The following SPRY3 variants were observed in gnomAD, a reference collection of about 807,000 sequenced individuals.
SPRY3 encodes the protein protein sprouty homolog 3.
A neutral mutation model predicts 20.2 loss-of-function variants in SPRY3; 15 were observed. That is an observed-to-expected ratio of 0.74 (90% CI 0.50 to 1.14). The LOEUF is 1.14. Ranked by LOEUF, SPRY3 falls within the 50% of genes most tolerant of loss-of-function variation. The pLI, the probability that SPRY3 is intolerant of heterozygous loss-of-function variation, is 0.00. For synonymous variants in SPRY3, 143 were observed against 136.5 expected, an observed-to-expected ratio of 1.05 and a Z score of -0.33; for missense variants, 364 against 363.9, an observed-to-expected ratio of 1.00 and a Z score of 0.00.
chrX:155,658,910 T>C (rs1249426501), intron 2 of SPRY3, among the ~76,000 whole-genome samples: 2 of 111,782 alleles, frequency 1.8e-5, no homozygotes, highest in African/African-American at 6.5e-5. Context: ...CTAAATTTTA[T>C]CAAATGCTTT....
intron 2 of SPRY3, among the ~76,000 whole-genome samples, chrX:155,716,661 G>A (rs778833966): frequency 1.3e-3 from 196 of 151,238 alleles, no homozygotes; most frequent in African/African-American, 4.6e-3. Flanking sequence ...TGTCTTCCCC[G>A]TGCTGTGTAC....
chrX:155,764,949 C>A (rs1256781859), intron 2 of SPRY3, among the ~76,000 whole-genome samples: 1 of 152,154 alleles, frequency 6.6e-6, no homozygotes, highest in Admixed American at 6.5e-5. Flanking sequence ...TAAGGTGTTA[C>A]CAGTGTCTGG....
intron 1 of SPRY3, among the ~76,000 whole-genome samples, chrX:155,647,482 G>A (rs2067961648): frequency 9.2e-6 from 1 of 109,105 alleles, no homozygotes; most frequent in Admixed American, 9.8e-5. Flanking sequence ...ACAGGCCCCA[G>A]TGTGTGATGT....
intron 1 of SPRY3, among the ~76,000 whole-genome samples, chrX:155,638,032 G>T (rs2067929148): frequency 9.5e-6 from 1 of 105,495 alleles, no homozygotes; most frequent in African/African-American, 3.5e-5. Context: ...AACCCCATTG[G>T]GTTTTAATTT....
chrX:155,765,959 C>G (rs765993681), intron 2 of SPRY3, among the ~76,000 whole-genome samples: 1 of 152,140 alleles, frequency 6.6e-6, no homozygotes, highest in African/African-American at 2.4e-5. Context: ...TCTATTTGAC[C>G]TGAATCTAGT....
chrX:155,632,867 G>T (rs1431036615), intron 1 of SPRY3, among the ~76,000 whole-genome samples: 2 of 111,601 alleles, frequency 1.8e-5, no homozygotes, highest in African/African-American at 6.5e-5. Flanking sequence ...CAGTGCCCTT[G>T]TAAAGTTCTG....
chrX:155,724,914 C>T (rs1194079037), intron 2 of SPRY3, among the ~76,000 whole-genome samples: 2 of 152,134 alleles, frequency 1.3e-5, no homozygotes, highest in Non-Finnish European at 2.9e-5. Flanking sequence ...AAAGGCAATG[C>T]TTCCAGTTTT....
chrX:155,651,498 G>A (rs1220399558), intron 1 of SPRY3, among the ~76,000 whole-genome samples: 1 of 111,581 alleles, frequency 9.0e-6, no homozygotes, highest in Non-Finnish European at 1.9e-5. Flanking sequence ...TCCTTTCAAT[G>A]AAATGTCTAT....
intron 1 of SPRY3, among the ~76,000 whole-genome samples, chrX:155,651,060 C>T (rs1557352343): frequency 9.1e-6 from 1 of 110,165 alleles, no homozygotes; most frequent in African/African-American, 3.3e-5. Flanking sequence ...TGCATCCTAA[C>T]CACCATTGAT....
At chrX:155,753,023 C>T (rs2091270102) in intron 2 of SPRY3, among the ~76,000 whole-genome samples, 1 of 151,844 alleles carries the variant, frequency 6.6e-6, no homozygotes, top group South Asian at 2.1e-4. Flanking sequence ...AGAGAAGAGT[C>T]AAATATAACA....
intron 1 of SPRY3, among the ~76,000 whole-genome samples, chrX:155,618,531 T>C (rs2067861303): frequency 9.0e-6 from 1 of 111,623 alleles, no homozygotes; most frequent in African/African-American, 3.3e-5. Flanking sequence ...TTTTAATTTT[T>C]CTGGCCTAAA....
intron 2 of SPRY3, among the ~76,000 whole-genome samples, chrX:155,718,403 C>G (rs762116894): frequency 6.6e-6 from 1 of 152,128 alleles, no homozygotes; most frequent in South Asian, 2.1e-4. Context: ...TAAAATAAAA[C>G]TTTAAAAATT....
intron 2 of SPRY3, among the ~76,000 whole-genome samples, chrX:155,726,091 A>G (rs917169033): frequency 9.9e-5 from 15 of 152,156 alleles, no homozygotes; most frequent in Non-Finnish European, 2.1e-4. Flanking sequence ...GTAGTCATTC[A>G]GGAGCTGGTT....
intron 2 of SPRY3, among the ~76,000 whole-genome samples, chrX:155,686,513 CAA>C (rs2068088462): frequency 9.0e-6 from 1 of 111,698 alleles, no homozygotes; most frequent in Non-Finnish European, 1.9e-5. Flanking sequence ...GCTCAGTTTT[CAA>C]AGTCTTTAGT....
At position 155,717,154 on chromosome X, in the gene SPRY3, C is replaced by CA. The variant is rs1178558140; in HGVS notation, c.-281-50794dup. 6.6e-3 allele frequency among the ~76,000 whole-genome samples: 804 copies of CA among 122,422 alleles called. 2 individuals are homozygous for CA. Among genetic ancestry groups the CA allele is most frequent in the Non-Finnish European group, 9.1e-3 (517 of 57,026 alleles). The allele number at this position is 122,422 out of a possible 152,430, so 80.3% of individuals were successfully genotyped here. A position where few individuals can be genotyped will look rare whatever the true frequency, so the allele number is the denominator to read the frequency against. The stretch of plus-strand genomic sequence containing the variant: ...AGCCTGGGTGACAGAGTGAGACTGT[C>CA]AAAAAAAAAAAAAAGATATCATCAA... On this transcript the variant is annotated intron_variant, in intron 2 of 3. Transcript: ENST00000675360.
rs187999561 is a variant in SPRY3 at position 155,766,232 on chromosome X, C to T, written c.-281-1730C>T. On this transcript the variant is annotated intron_variant, in intron 2 of 3. Transcript: ENST00000675360. ...ACACATACATACACACAGGAGCATGCAGACCCACACAGCCGTACTTTTTTA... is the reference window on the plus strand; with the variant it reads ...ACACATACATACACACAGGAGCATGTAGACCCACACAGCCGTACTTTTTTA... Among the ~76,000 whole-genome samples the T allele has an allele frequency of 3.9e-5, 6 of 152,274 alleles. No homozygotes were observed. In the East Asian group the frequency reaches 9.7e-4, roughly 25 times the overall value.
intron 1 of SPRY3, among the ~76,000 whole-genome samples, chrX:155,642,362 G>T (rs992053112): frequency 9.0e-6 from 1 of 110,724 alleles, no homozygotes; most frequent in Admixed American, 9.5e-5. Flanking sequence ...TATTTATTTG[G>T]GTCTTCTCTT....
intron 1 of SPRY3, among the ~76,000 whole-genome samples, chrX:155,622,513 C>T (rs782276815): frequency 1.8e-5 from 2 of 111,692 alleles, no homozygotes; most frequent in Admixed American, 1.9e-4. Flanking sequence ...TCTATTGGAG[C>T]CATGTCTGCT....
At chrX:155,758,028 A>G (rs1487426219) in intron 2 of SPRY3, among the ~76,000 whole-genome samples, 5 of 152,108 alleles carry the variant, frequency 3.3e-5, no homozygotes, top group African/African-American at 1.2e-4. Context: ...ATATAACTGT[A>G]TTTCTCTTCA....
Sources: gnomAD v4.1 joint callset for allele counts (sites outside exome capture counted in the v4.1 genomes callset) on GRCh38, gnomAD v4.1.1 for gene constraint, MANE v1.5 for transcripts, NCBI Gene and HGNC (gene_info 2026-07-23, HGNC 2026-07-21) for gene names.